The following ARHGAP36 variants were observed in gnomAD, a reference collection of about 807,000 sequenced individuals.
The protein encoded by ARHGAP36 is Rho GTPase activating protein 36.
ARHGAP36 carries 7 observed loss-of-function variants against 32.9 expected under a neutral mutation model. The ratio of observed to expected loss-of-function variants is 0.21; its 90% CI spans 0.12 to 0.40. The LOEUF is 0.40. Among genes scored for constraint, ARHGAP36 ranks in the 10% least tolerant of loss-of-function variants. The probability of loss-of-function intolerance (pLI) is 1.00; values close to 1 mark genes in which losing one functional copy is unlikely to be tolerated. For missense variants in ARHGAP36, 383 were observed against 442.2 expected (o/e 0.87, Z 1.20); for synonymous variants, 165 against 168.3 (o/e 0.98, Z 0.15).
intron 2 of ARHGAP36, among the ~76,000 whole-genome samples, chrX:131,082,345 G>A (rs1415653540): frequency 1.8e-5 from 2 of 112,484 alleles, no homozygotes; most frequent in Non-Finnish European, 3.8e-5. Context: ...AAGACAGTGC[G>A]TGAGAGAGAG....
chrX:131,088,634 C>T lies in ARHGAP36; in HGVS notation c.1493C>T (p.Ser498Phe). The change falls in exon 12 of 12, where the codon TCT becomes TTT. Residue 498 changes from serine to phenylalanine, a missense_variant. By Grantham distance (155) the Ser-to-Phe change is radical. Coordinates refer to ENST00000276211, the MANE Select transcript of ARHGAP36 (RefSeq NM_144967.4). ...AQSKPSDEGS[S>F]EEPAVPSGTA... ...CATTGTTACTATTTTTCAGGTTCCT[C>T]TGAGGAGCCAGCTGTGCCTTCCGGC... 1 of 1,209,267 alleles carries T rather than the reference C, an allele frequency of 8.3e-7. No homozygotes were observed. Among genetic ancestry groups the T allele is most frequent in the Non-Finnish European group, 1.1e-6 (1 of 894,837 alleles).
intron 1 of ARHGAP36, among the ~76,000 whole-genome samples, chrX:131,068,198 C>T (rs2079710979): frequency 8.9e-6 from 1 of 111,830 alleles, no homozygotes; most frequent in African/African-American, 3.3e-5. Context: ...CACACCCGGC[C>T]ACACACCGAA....
chrX:131,086,046 A>G lies in ARHGAP36; in HGVS notation c.1238A>G (p.Asn413Ser), dbSNP rs369705757. Residue 413 changes from asparagine (N) to serine (S), a missense_variant, in exon 9 of 12, where the codon AAT (asparagine) becomes AGT (serine). Coordinates refer to ENST00000276211, the MANE Select transcript of ARHGAP36 (RefSeq NM_144967.4). The part of the protein sequence containing the change: ...LGIDHYVASV[N>S]VVRAMIDNWD... ...ATTGATCACTATGTTGCTTCTGTCA[A>G]TGTGGTCCGTGCCATGATTGATAAC... 12 of 1,209,885 alleles carry G rather than the reference A, an allele frequency of 9.9e-6. No individual in the cohort carries two copies. Among genetic ancestry groups the G allele is most frequent in the African/African-American group, 1.8e-5 (1 of 57,101 alleles).
Position 131,069,170 on chromosome X carries a change from G to A in ARHGAP36, c.-143+10726G>A, listed in dbSNP as rs1009915471. Among the ~76,000 whole-genome samples, 10 of 112,565 alleles carry A rather than the reference G, an allele frequency of 8.9e-5. No homozygotes were observed. The East Asian group carries it at 2.3e-3, about 26-fold the overall frequency. On this transcript the variant is annotated intron_variant, in intron 1 of 11. Coordinates refer to ENST00000276211, the MANE Select transcript of ARHGAP36 (RefSeq NM_144967.4). ...TCTCTGAGGTGCCCTCCCGCCATAA[G>A]CGGACTATGCGAGTGGTGGCGGCGG...
chrX:131,079,462 A>C (rs369143720), intron 1 of ARHGAP36, among the ~76,000 whole-genome samples: 1 of 111,620 alleles, frequency 9.0e-6, no homozygotes, highest in Non-Finnish European at 1.9e-5. Flanking sequence ...TATTTCTGAC[A>C]TCTGTGATCC....
At chrX:131,072,492 T>A (rs889821169) in intron 1 of ARHGAP36, among the ~76,000 whole-genome samples, 3 of 112,249 alleles carry the variant, frequency 2.7e-5, no homozygotes, top group African/African-American at 9.7e-5. Context: ...GGAAGCAAAG[T>A]GCTGTGGCAA....
At chrX:131,064,551 G>T (rs918318901) in intron 1 of ARHGAP36, among the ~76,000 whole-genome samples, 4 of 111,904 alleles carry the variant, frequency 3.6e-5, no homozygotes, top group Non-Finnish European at 7.5e-5. Flanking sequence ...TTGGCTGGTG[G>T]TTTCTATGGT....
At chrX:131,061,266 G>A (rs1461927187) in intron 1 of ARHGAP36, among the ~76,000 whole-genome samples, 1 of 110,256 alleles carries the variant, frequency 9.1e-6, no homozygotes. Context: ...TGTGCAGAAC[G>A]TGCAGGTTTG....
intron 9 of ARHGAP36, 85 bp downstream of exon 9, chrX:131,086,174 G>C: frequency 1.8e-6 from 2 of 1,142,446 alleles, no homozygotes; most frequent in Non-Finnish European, 2.4e-6. Flanking sequence ...CATCTTTGAG[G>C]GTAGCCAAAA....
intron 1 of ARHGAP36, chrX:131,078,758 A>G: frequency 4.1e-6 from 4 of 980,599 alleles, no homozygotes; most frequent in Non-Finnish European, 5.3e-6. Flanking sequence ...AAAGCAAGTA[A>G]GGCAATGCCA....
rs1016117714 is a variant in ARHGAP36, at chrX:131,089,034, C to T, written c.*249C>T. On this transcript the variant is annotated 3_prime_UTR_variant, in exon 12 of 12. Coordinates refer to ENST00000276211, the MANE Select transcript of ARHGAP36 (RefSeq NM_144967.4). Reference sequence around the variant, plus strand: ...GCCCAAGCTCCCCGGTGCTACCTTGCCTTTCTCTTTTACCCCTGATCTTGG... The same window carrying T: ...GCCCAAGCTCCCCGGTGCTACCTTGTCTTTCTCTTTTACCCCTGATCTTGG... The T allele has an allele frequency of 1.8e-5, 6 of 335,264 alleles. No individual in the cohort carries two copies. Among genetic ancestry groups the T allele is most frequent in the Non-Finnish European group, 3.0e-5 (6 of 200,583 alleles). 27.6% of individuals were successfully genotyped at this position (335,264 alleles called of 1,213,427 possible).
intron 1 of ARHGAP36, among the ~76,000 whole-genome samples, chrX:131,071,832 T>C (rs761876702): frequency 8.9e-6 from 1 of 111,826 alleles, no homozygotes; most frequent in South Asian, 3.8e-4. Context: ...CTGTCCCTCT[T>C]TGTTGACAAC....
chrX:131,075,520 A>T (rs1478724413), intron 1 of ARHGAP36, among the ~76,000 whole-genome samples: 1 of 108,878 alleles, frequency 9.2e-6, no homozygotes, highest in Non-Finnish European at 1.9e-5. Context: ...CTTTCATAAT[A>T]GTCTTTTTTT....
intron 11 of ARHGAP36, among the ~76,000 whole-genome samples, chrX:131,086,920 G>A (rs1185987297): frequency 1.8e-5 from 2 of 111,902 alleles, no homozygotes; most frequent in Admixed American, 9.4e-5. Flanking sequence ...TGATGAGGAA[G>A]ATGATGATGA....
intron 1 of ARHGAP36, among the ~76,000 whole-genome samples, chrX:131,066,620 A>G (rs988152173): frequency 8.9e-6 from 1 of 112,128 alleles, no homozygotes; most frequent in Non-Finnish European, 1.9e-5. Context: ...TTGTAGAGAA[A>G]TGATAATGTT....
chrX:131,073,059 G>A (rs2079740897), intron 1 of ARHGAP36: 2 of 112,261 alleles, frequency 1.8e-5, no homozygotes, highest in South Asian at 7.5e-4. Context: ...CCCACTGCGG[G>A]GTGAGAGAGG....
Position 131,085,598 on chromosome X carries a change from C to T in ARHGAP36, c.966C>T (p.Pro322=). The T allele has an allele frequency of 8.3e-7, 1 of 1,210,505 alleles. No homozygotes were observed. ...TTTTCCTTCTTCTAGCTTTAAAGCCCCAGGATCAGCTTTCTGCCCTGCAGT... is the reference window on the plus strand; with the variant it reads ...TTTTCCTTCTTCTAGCTTTAAAGCCTCAGGATCAGCTTTCTGCCCTGCAGT... The part of the protein sequence containing the change: ...MSFLLTATLK[P]QDQLSALQLL... Residue 322 remains proline (P), a synonymous_variant, in exon 8 of 12, where the codon CCC becomes CCT. Transcript: ENST00000276211.
intron 2 of ARHGAP36, 30 bp downstream of exon 2, chrX:131,081,948 C>T (rs1212169004): frequency 1.7e-6 from 2 of 1,201,660 alleles, no homozygotes; most frequent in African/African-American, 3.5e-5. Flanking sequence ...GTGGCATCCT[C>T]GCCTTCGGGA....
chrX:131,080,398 T>TA (rs138310432), intron 1 of ARHGAP36, among the ~76,000 whole-genome samples: 4,258 of 102,831 alleles, frequency 0.041, 77 homozygotes, highest in Admixed American at 0.084. Flanking sequence ...GTTAAATCTT[T>TA]AAAAAAAAAA....
Sources: gnomAD v4.1 joint callset for allele counts (sites outside exome capture counted in the v4.1 genomes callset) on GRCh38, gnomAD v4.1.1 for gene constraint, MANE v1.5 for transcripts, NCBI Gene and HGNC (gene_info 2026-07-23, HGNC 2026-07-21) for gene names.